The following MGAT4C variants were observed in gnomAD, a reference collection of about 807,000 sequenced individuals.
MGAT4C encodes alpha-1,3-mannosyl-glycoprotein 4-beta-N-acetylglucosaminyltransferase C.
MGAT4C carries 19 observed loss-of-function variants against 40.1 expected under a neutral mutation model. That is an observed-to-expected ratio of 0.47 (90% CI 0.33 to 0.70). MGAT4C has a LOEUF of 0.70. MGAT4C is among the 30% of genes least tolerant of loss of function. MGAT4C has a pLI of 0.02. For synonymous variants in MGAT4C, 181 were observed against 187.1 expected (o/e 0.97, Z 0.27); for missense variants, 491 against 563.2 (o/e 0.87, Z 1.30).
At chr12:86,604,451 A>G (rs2136465719) in intron 2 of MGAT4C, among the ~76,000 whole-genome samples, 1 of 152,208 alleles carries the variant, frequency 6.6e-6, no homozygotes, top group East Asian at 1.9e-4. Flanking sequence ...TCTGTATGCC[A>G]GAAGCTAAAC....
At chr12:86,136,042 G>T (rs1881898207) in intron 1 of MGAT4C, among the ~76,000 whole-genome samples, 1 of 152,136 alleles carries the variant, frequency 6.6e-6, no homozygotes. Context: ...TATTACTGGA[G>T]AATTAGTTTT....
intron 2 of MGAT4C, among the ~76,000 whole-genome samples, chr12:86,543,670 C>T (rs536204609): frequency 6.6e-6 from 1 of 152,196 alleles, no homozygotes; most frequent in East Asian, 1.9e-4. Flanking sequence ...GGAAACATTA[C>T]TAGTATTTTA....
intron 2 of MGAT4C, among the ~76,000 whole-genome samples, chr12:86,025,775 T>C (rs1363814284): frequency 6.6e-6 from 1 of 151,682 alleles, no homozygotes; most frequent in Non-Finnish European, 1.5e-5. Flanking sequence ...CTTTCAGGGA[T>C]GTTTAATGAA....
chr12:86,491,800 A>T (rs542074918), intron 2 of MGAT4C, among the ~76,000 whole-genome samples: 1 of 151,770 alleles, frequency 6.6e-6, no homozygotes, highest in African/African-American at 2.4e-5. Context: ...GGCCAGGGCA[A>T]TTAGGCAGGA....
intron 1 of MGAT4C, among the ~76,000 whole-genome samples, chr12:86,172,329 A>G (rs1448402123): frequency 2.6e-5 from 4 of 152,178 alleles, no homozygotes; most frequent in Non-Finnish European, 4.4e-5. Flanking sequence ...ATAATAGTCA[A>G]ACTAATATAC....
chr12:86,174,639 T>C (rs1162664712), intron 1 of MGAT4C, among the ~76,000 whole-genome samples: 1 of 152,164 alleles, frequency 6.6e-6, no homozygotes, highest in African/African-American at 2.4e-5. Context: ...CCACTCATTG[T>C]CAAAACATCA....
At chr12:85,990,997 A>C (rs1363053594) in intron 2 of MGAT4C, among the ~76,000 whole-genome samples, 1 of 152,218 alleles carries the variant, frequency 6.6e-6, no homozygotes, top group Non-Finnish European at 1.5e-5. Flanking sequence ...GACTGGTGGC[A>C]TCTTGCCAGA....
chr12:86,633,894 ATTACT>A (rs1963137418), intron 2 of MGAT4C, among the ~76,000 whole-genome samples: 3 of 151,960 alleles, frequency 2.0e-5, no homozygotes, highest in Admixed American at 2.0e-4. Flanking sequence ...AATTGTGTAA[ATTACT>A]TTATTTTGCT....
At position 85,964,627 on chromosome 12, in the gene MGAT4C, G is replaced by A. The variant is rs1160753503; in HGVS notation, c.*14662C>T. On this transcript the variant is annotated 3_prime_UTR_variant, in exon 5 of 5. Transcript: ENST00000611864. The stretch of plus-strand genomic sequence containing the variant: ...TAAGATACTCTTATCCTACATATAC[G>A]CCAGAAAAATTGCTTCTCCTCTGAA... 1 of 152,030 alleles carries A rather than the reference G, an allele frequency of 6.6e-6. No individual in the cohort carries two copies. Among genetic ancestry groups the A allele is most frequent in the African/African-American group, 2.4e-5 (1 of 41,390 alleles). The allele number at this position is 152,030 out of a possible 1,614,324, so 9.4% of individuals were successfully genotyped here. A position where few individuals can be genotyped will look rare whatever the true frequency, so the allele number is the denominator to read the frequency against.
intron 1 of MGAT4C, among the ~76,000 whole-genome samples, chr12:86,078,793 C>A (rs1870283461): frequency 6.6e-6 from 1 of 152,156 alleles, no homozygotes. Flanking sequence ...AGGCTGATTG[C>A]CGTCCACAGA....
chr12:86,802,619 AACAG>A (rs1213509310), intron 1 of MGAT4C, among the ~76,000 whole-genome samples: 1 of 151,542 alleles, frequency 6.6e-6, no homozygotes, highest in Admixed American at 6.6e-5. Flanking sequence ...ATACACCAAC[AACAG>A]ACAAACAGAG....
chr12:86,763,393 C>T (rs1278674187), intron 1 of MGAT4C, among the ~76,000 whole-genome samples: 1 of 152,104 alleles, frequency 6.6e-6, no homozygotes, highest in African/African-American at 2.4e-5. Context: ...TGCAACCGTA[C>T]CTAAACCTAT....
At chr12:86,256,788 T>A (rs1038603687), upstream of MGAT4C, among the ~76,000 whole-genome samples, 5 of 152,172 alleles carry the variant, frequency 3.3e-5, no homozygotes, top group African/African-American at 1.2e-4. Context: ...GTAATTACTT[T>A]GCATTGATTT....
intron 1 of MGAT4C, among the ~76,000 whole-genome samples, chr12:86,186,299 C>A (rs1458460614): frequency 6.6e-6 from 1 of 152,098 alleles, no homozygotes; most frequent in Non-Finnish European, 1.5e-5. Context: ...TAGCACCAAT[C>A]CCAAAGTCAC....
intron 3 of MGAT4C, among the ~76,000 whole-genome samples, chr12:85,988,596 A>G (rs1592618010): frequency 6.6e-6 from 1 of 152,150 alleles, no homozygotes; most frequent in South Asian, 2.1e-4. Flanking sequence ...ACAAATTAGG[A>G]CAGATATTTT....
At chr12:86,045,970 T>G (rs1892362574) in intron 2 of MGAT4C, among the ~76,000 whole-genome samples, 1 of 152,208 alleles carries the variant, frequency 6.6e-6, no homozygotes, top group Non-Finnish European at 1.5e-5. Context: ...ATACCCAAGG[T>G]TATGGTTTTA....
intron 2 of MGAT4C, among the ~76,000 whole-genome samples, chr12:86,626,044 G>T (rs879559148): frequency 6.6e-6 from 1 of 152,076 alleles, no homozygotes; most frequent in Non-Finnish European, 1.5e-5. Flanking sequence ...AGGATGAAAA[G>T]GATGCAAATG....
chr12:86,180,279 C>G (rs1256097572), intron 1 of MGAT4C, among the ~76,000 whole-genome samples: 2 of 152,208 alleles, frequency 1.3e-5, no homozygotes, highest in Admixed American at 1.3e-4. Context: ...GATGCCCAGG[C>G]AAAAGTTTTC....
intron 2 of MGAT4C, among the ~76,000 whole-genome samples, chr12:86,010,495 T>C (rs1267073335): frequency 6.6e-6 from 1 of 152,110 alleles, no homozygotes; most frequent in African/African-American, 2.4e-5. Context: ...CTGGACAACA[T>C]GGTGAAACCC....
Sources: gnomAD v4.1 joint callset for allele counts (sites outside exome capture counted in the v4.1 genomes callset) on GRCh38, gnomAD v4.1.1 for gene constraint, MANE v1.5 for transcripts, NCBI Gene and HGNC (gene_info 2026-07-23, HGNC 2026-07-21) for gene names.